Variants in MSL1 observed in about 807,000 individuals in gnomAD.
The protein encoded by MSL1 is MSL complex subunit 1.
In MSL1, 21 loss-of-function variants were observed where a neutral mutation model predicts 64.6. The observed-to-expected ratio is 0.33, with a 90% CI of 0.23 to 0.47. The LOEUF (loss-of-function observed/expected upper bound fraction) is 0.47. MSL1 is among the 20% of genes least tolerant of loss of function. MSL1 has a pLI of 1.00. For synonymous variants in MSL1, 339 were observed against 329.6 expected (o/e 1.03, Z -0.31); for missense variants, 664 against 793.2 (o/e 0.84, Z 1.96).
At chr17:40,123,526 T>G in intron 1 of MSL1, 146 bp downstream of exon 1, 2 of 718,618 alleles carry the variant, frequency 2.8e-6, no homozygotes, top group East Asian at 2.8e-5. Context: ...GCGCTGGGTC[T>G]CTGGGAGCCA....
At chr17:40,133,248 G>C in intron 6 of MSL1, 139 bp downstream of exon 6, 1 of 835,700 alleles carries the variant, frequency 1.2e-6, no homozygotes, top group Non-Finnish European at 1.9e-6. Flanking sequence ...CTTCCCAGTT[G>C]GTTGAATATC....
chr17:40,133,451 T>C, intron 6 of MSL1, 83 bp from the exon 7 acceptor site: 1 of 1,500,550 alleles, frequency 6.7e-7, no homozygotes, highest in Non-Finnish European at 8.9e-7. Context: ...AGCATCTGGA[T>C]TGTGTGAGTT....
At chr17:40,133,417 A>G in intron 6 of MSL1, 117 bp from the exon 7 acceptor site, 1 of 1,285,176 alleles carries the variant, frequency 7.8e-7, no homozygotes, top group Non-Finnish European at 1.1e-6. Flanking sequence ...TACCCTGTCT[A>G]GAGGAGTCAG....
At chr17:40,127,084 C>A (rs1319472069) in intron 2 of MSL1, among the ~76,000 whole-genome samples, 2 of 151,946 alleles carry the variant, frequency 1.3e-5, no homozygotes, top group Admixed American at 6.6e-5. Context: ...TGCCTGTAAT[C>A]CCTTTGAGAG....
At chr17:40,133,772 C>T (rs899164342) in intron 7 of MSL1, 55 bp from the exon 8 acceptor site, 1 of 1,611,150 alleles carries the variant, frequency 6.2e-7, no homozygotes, top group Non-Finnish European at 8.5e-7. Context: ...GATATAGCTT[C>T]TAGACATTTC....
intron 8 of MSL1, 55 bp downstream of exon 8, chr17:40,133,954 C>T: frequency 6.7e-7 from 1 of 1,481,866 alleles, no homozygotes; most frequent in Non-Finnish European, 9.4e-7. Context: ...CCTTTTCAGA[C>T]TTCATGGAAG....
At position 40,129,470 on chromosome 17, in the gene MSL1, A is replaced by G. The variant is rs748823590; in HGVS notation, c.1218A>G (p.Gly406=). ...CAAGACTCTCCACTCCCCAAAAGGG[A>G]CCCAGCACCCATCCCAAGGAGAAAG... ...TPPRLSTPQK[G]PSTHPKEKAF... The change falls in exon 3 of 9, where the codon GGA becomes GGG. Residue 406 remains glycine (G), a synonymous_variant. Transcript: ENST00000398532. 6.2e-7 allele frequency: 1 copy of G among 1,613,886 alleles called. No individual in the cohort carries two copies. Among genetic ancestry groups the G allele is most frequent in the Non-Finnish European group, 8.5e-7 (1 of 1,179,862 alleles).
chr17:40,123,406 G>A (rs1272571273), intron 1 of MSL1, 26 bp downstream of exon 1: 3 of 1,531,820 alleles, frequency 2.0e-6, no homozygotes, highest in Non-Finnish European at 1.7e-6. Flanking sequence ...ATCTGCATTC[G>A]GGCCGAGGAG....
At position 40,131,682 on chromosome 17, in the gene MSL1, G is replaced by A. The variant is rs1988440304; in HGVS notation, c.1423+98G>A. On this transcript the variant is annotated intron_variant, in intron 4 of 8. Transcript: ENST00000398532. This position sits in a 1 kb window ranked among gnomAD's most constrained non-coding sequence, Gnocchi z 4.5. The stretch of plus-strand genomic sequence containing the variant: ...CATTCCCCATCCACTGGATGTGGGA[G>A]ACTGAGATTTCTTGGTGTATGATTG... 1 of 1,068,772 alleles carries A rather than the reference G, an allele frequency of 9.4e-7. No individual in the cohort carries two copies. The highest frequency in any genetic ancestry group is 2.4e-5 in the East Asian group (1 of 42,438). 66.2% of individuals were successfully genotyped at this position (1,068,772 alleles called of 1,614,324 possible).
chr17:40,133,230 A>G (rs867185654), intron 6 of MSL1, 121 bp downstream of exon 6: 7 of 914,816 alleles, frequency 7.7e-6, no homozygotes, highest in Middle Eastern at 2.2e-4. Context: ...ACACTCTTAC[A>G]TTACTGGCTT....
At chr17:40,125,988 A>G (rs1944110388) in intron 1 of MSL1, among the ~76,000 whole-genome samples, 195 bp from the exon 2 acceptor site, 1 of 152,232 alleles carries the variant, frequency 6.6e-6, no homozygotes, top group Non-Finnish European at 1.5e-5. Context: ...AGCCCTTAAA[A>G]TTTAACAGTA....
At chr17:40,128,454 A>C (rs1385569116) in intron 2 of MSL1, among the ~76,000 whole-genome samples, 2 of 145,032 alleles carry the variant, frequency 1.4e-5, no homozygotes, top group Non-Finnish European at 3.0e-5. Context: ...AGCTCACTGC[A>C]ACCTCTGCCT....
chr17:40,135,743 A>C lies in MSL1; in HGVS notation c.*1374A>C, dbSNP rs1048146214. Reference sequence around the variant, plus strand: ...TCCCACTGCTAAAGTTTTTTGTGAGATGTTGATCTGTGCTTCCTGGATTTG... The same window carrying C: ...TCCCACTGCTAAAGTTTTTTGTGAGCTGTTGATCTGTGCTTCCTGGATTTG... On this transcript the variant is annotated 3_prime_UTR_variant, in exon 9 of 9. Coordinates refer to ENST00000398532, the MANE Select transcript of MSL1 (RefSeq NM_001365919.1). 1.3e-5 allele frequency: 2 copies of C among 152,226 alleles called. No individual in the cohort carries two copies. The highest frequency in any genetic ancestry group is 1.3e-4 in the Admixed American group (2 of 15,262). The allele number at this position is 152,226 out of a possible 1,614,324, so 9.4% of individuals were successfully genotyped here. A position where few individuals can be genotyped will look rare whatever the true frequency, so the allele number is the denominator to read the frequency against.
Position 40,135,502 on chromosome 17 carries a change from C to G in MSL1, c.*1133C>G, listed in dbSNP as rs969950399. On this transcript the variant is annotated 3_prime_UTR_variant, in exon 9 of 9. Transcript: ENST00000398532. ...CTGGTCTCAAATATATAGGAATTGCCTTTCTTTAGTCTTCAGGACTATTGT... is the reference window on the plus strand; with the variant it reads ...CTGGTCTCAAATATATAGGAATTGCGTTTCTTTAGTCTTCAGGACTATTGT... 6.6e-6 allele frequency: 1 copy of G among 152,254 alleles called. No homozygotes were observed. Among genetic ancestry groups the G allele is most frequent in the Non-Finnish European group, 1.5e-5 (1 of 68,014 alleles). 9.4% of individuals were successfully genotyped at this position (152,254 alleles called of 1,614,324 possible). A position where few individuals can be genotyped will look rare whatever the true frequency, so the allele number is the denominator to read the frequency against.
chr17:40,122,647 C>T lies in MSL1; in HGVS notation c.35C>T (p.Ala12Val). 1 of 1,491,176 alleles carries T rather than the reference C, an allele frequency of 6.7e-7. No individual in the cohort carries two copies. The highest frequency in any genetic ancestry group is 8.9e-7 in the Non-Finnish European group (1 of 1,127,704). 92.4% of individuals were successfully genotyped at this position (1,491,176 alleles called of 1,614,324 possible). Reference sequence around the variant, plus strand: ...AGATCCGCGGTGTTCAAGGCGGCCGCGGCCCCTGCCGGCGGCAATCCTGAG... The same window carrying T: ...AGATCCGCGGTGTTCAAGGCGGCCGTGGCCCCTGCCGGCGGCAATCCTGAG... ...TMRSAVFKAA[A>V]APAGGNPEQR... Residue 12 changes from alanine to valine, a missense_variant, in exon 1 of 9, where the codon GCG becomes GTG. Transcript: ENST00000398532. This position sits in a 1 kb window ranked among gnomAD's most constrained non-coding sequence, Gnocchi z 4.2.
At chr17:40,125,159 G>T (rs919466493) in intron 1 of MSL1, among the ~76,000 whole-genome samples, 1 of 152,158 alleles carries the variant, frequency 6.6e-6, no homozygotes, top group East Asian at 1.9e-4. Context: ...TACTAATAGA[G>T]TTCCATTTTC....
intron 8 of MSL1, among the ~76,000 whole-genome samples, 158 bp downstream of exon 8, chr17:40,134,057 T>G (rs1366970740): frequency 1.3e-5 from 2 of 152,220 alleles, no homozygotes; most frequent in Non-Finnish European, 2.9e-5. Flanking sequence ...TGTAATAAGA[T>G]TCCCAAGCCA....
chr17:40,124,624 C>T (rs1988273183), intron 1 of MSL1: 1 of 152,210 alleles, frequency 6.6e-6, no homozygotes. Flanking sequence ...GGAGGTGGCA[C>T]TGCTCAGACT....
At chr17:40,127,205 A>G (rs1397618387) in intron 2 of MSL1, among the ~76,000 whole-genome samples, 5 of 151,968 alleles carry the variant, frequency 3.3e-5, no homozygotes, top group Non-Finnish European at 7.4e-5. Flanking sequence ...CATTTTTACA[A>G]AAAATCCAAA....
Sources: gnomAD v4.1 joint callset for allele counts (sites outside exome capture counted in the v4.1 genomes callset) on GRCh38, gnomAD v4.1.1 for gene constraint, Gnocchi (gnomAD v3.1) non-coding constraint, MANE v1.5 for transcripts, NCBI Gene and HGNC (gene_info 2026-07-23, HGNC 2026-07-21) for gene names.